ASCC3: variants seen among roughly 807,000 people sequenced by gnomAD.
ASCC3 encodes the protein ASC-1 complex subunit P200.
In ASCC3, 158 loss-of-function variants were observed where a neutral mutation model predicts 256.3. The ratio of observed to expected loss-of-function variants is 0.62; its 90% confidence interval spans 0.54 to 0.70. ASCC3 has a LOEUF of 0.70. Among genes scored for constraint, ASCC3 ranks in the 30% least tolerant of loss-of-function variants. ASCC3 has a pLI of 0.00. For missense variants in ASCC3, 2,259 were observed against 2,626.0 expected (o/e 0.86, Z 3.05); for synonymous variants, 948 against 883.4 (o/e 1.07, Z -1.30).
At chr6:100,565,808 C>T (rs2114713544) in intron 36 of ASCC3, among the ~76,000 whole-genome samples, 1 of 152,246 alleles carries the variant, frequency 6.6e-6, no homozygotes, top group South Asian at 2.1e-4. Flanking sequence ...CACTTTATAT[C>T]TCATAACATC....
intron 30 of ASCC3, among the ~76,000 whole-genome samples, chr6:100,614,782 T>C (rs1773579153): frequency 6.6e-6 from 1 of 152,206 alleles, no homozygotes; most frequent in Non-Finnish European, 1.5e-5. Flanking sequence ...TAATGAGTAA[T>C]GTATTTGAAA....
At chr6:100,866,161 G>C (rs753469332) in intron 2 of ASCC3, among the ~76,000 whole-genome samples, 3 of 151,946 alleles carry the variant, frequency 2.0e-5, no homozygotes, top group Non-Finnish European at 2.9e-5. Flanking sequence ...GTAGAGATGG[G>C]GTTTCACCAT....
intron 37 of ASCC3, among the ~76,000 whole-genome samples, chr6:100,519,667 T>C (rs1477912423): frequency 2.6e-5 from 4 of 152,144 alleles, no homozygotes; most frequent in Non-Finnish European, 5.9e-5. Context: ...GGAGTAACTA[T>C]GGCAATTTTA....
intron 24 of ASCC3, among the ~76,000 whole-genome samples, chr6:100,641,660 C>G (rs1775123785): frequency 6.6e-6 from 1 of 152,152 alleles, no homozygotes; most frequent in Non-Finnish European, 1.5e-5. Context: ...CATCCCATTA[C>G]TGGGTATATA....
intron 10 of ASCC3, among the ~76,000 whole-genome samples, chr6:100,729,744 T>C (rs1369511025): frequency 6.6e-6 from 1 of 152,162 alleles, no homozygotes; most frequent in African/African-American, 2.4e-5. Context: ...GATTTAAAGT[T>C]TTGAATCAAA....
At position 100,662,351 on chromosome 6, in the gene ASCC3, A is replaced by T. The variant is rs1405819667; in HGVS notation, c.2472T>A (p.Ile824=). 1.2e-6 allele frequency: 2 copies of T among 1,612,612 alleles called. No homozygotes were observed. Among genetic ancestry groups the T allele is most frequent in the African/African-American group, 2.7e-5 (2 of 74,860 alleles). ...AAGGAAGGTAAGCTCTTACCTTAATAATAACAGCATGGGCGGGAAGATTGA... is the reference window on the plus strand; with the variant it reads ...AAGGAAGGTAAGCTCTTACCTTAATTATAACAGCATGGGCGGGAAGATTGA... ...WGVNLPAHAV[I]IKGTQIYAAK... The change falls in exon 15 of 42, where the codon ATT becomes ATA. Residue 824 remains isoleucine, a synonymous_variant. Coordinates refer to ENST00000369162, the MANE Select transcript of ASCC3 (RefSeq NM_006828.4).
At chr6:100,561,861 C>T (rs1769969194) in intron 36 of ASCC3, among the ~76,000 whole-genome samples, 1 of 152,082 alleles carries the variant, frequency 6.6e-6, no homozygotes, top group Non-Finnish European at 1.5e-5. Flanking sequence ...AAAGTTGAAG[C>T]AAGTGTACAT....
chr6:100,864,666 G>A (rs896888316), intron 2 of ASCC3, among the ~76,000 whole-genome samples: 3 of 152,106 alleles, frequency 2.0e-5, no homozygotes, highest in Non-Finnish European at 2.9e-5. Flanking sequence ...TCCCATGACA[G>A]GTTCAAATAT....
chr6:100,767,314 C>G lies in ASCC3; in HGVS notation c.1427G>C (p.Arg476Thr), dbSNP rs777864646. 6.2e-7 allele frequency: 1 copy of G among 1,608,362 alleles called. No individual in the cohort carries two copies. The highest frequency in any genetic ancestry group is 1.7e-5 in the Admixed American group (1 of 59,054). The change falls in exon 9 of 42, where the codon AGA (arginine) becomes ACA (threonine). Residue 476 changes from arginine to threonine, a missense_variant. By Grantham distance (71) the Arg-to-Thr change is moderately conservative (BLOSUM62 -1). This residue lies in a region of ASCC3 where 1,839 missense variants were observed against 2,206.7 expected (regional missense o/e 0.83). Coordinates refer to ENST00000369162, the MANE Select transcript of ASCC3 (RefSeq NM_006828.4). ...IGQLAFKGMKRLNRIQSIVFE... is the reference protein window; with the variant it reads ...IGQLAFKGMKTLNRIQSIVFE... ...CACTATTGACTGGATTCTATTGAGT[C>G]TCTTCATTCCTTTAAAAGCCAGCTG... is the stretch of plus-strand genomic sequence containing the variant.
intron 36 of ASCC3, among the ~76,000 whole-genome samples, chr6:100,561,507 G>A (rs534348673): frequency 5.9e-5 from 9 of 151,726 alleles, no homozygotes; most frequent in Admixed American, 1.3e-4. Context: ...TATCACCCAC[G>A]TCACTTTGGT....
At chr6:100,609,220 TGTTATA>T (rs1253922623) in intron 30 of ASCC3, among the ~76,000 whole-genome samples, 15 of 152,088 alleles carry the variant, frequency 9.9e-5, no homozygotes, top group Admixed American at 2.6e-4. Flanking sequence ...CTTCAACTTC[TGTTATA>T]GTTTTATTTT....
intron 3 of ASCC3, among the ~76,000 whole-genome samples, chr6:100,851,115 T>C (rs1400622840): frequency 6.6e-6 from 1 of 152,106 alleles, no homozygotes; most frequent in Non-Finnish European, 1.5e-5. Context: ...AGATGTTAAA[T>C]GGAAACAGAA....
At chr6:100,689,508 T>C (rs1485233847) in intron 13 of ASCC3, among the ~76,000 whole-genome samples, 1 of 152,144 alleles carries the variant, frequency 6.6e-6, no homozygotes, top group Non-Finnish European at 1.5e-5. Context: ...AGAGCTTACA[T>C]TTTGCTAATT....
rs542047939 is a variant in ASCC3, at chr6:100,605,587, G to T, written c.5158C>A (p.Pro1720Thr). The change falls in exon 33 of 42, where the codon CCT becomes ACT. Residue 1720 changes from proline (P) to threonine (T), a missense_variant. This residue lies in a region of ASCC3 where 1,839 missense variants were observed against 2,206.7 expected (regional missense o/e 0.83). Coordinates refer to ENST00000369162, the MANE Select transcript of ASCC3 (RefSeq NM_006828.4). ...KDFYKKFLYEPFPVESSLLGV... is the reference protein window; with the variant it reads ...KDFYKKFLYETFPVESSLLGV... Reference sequence around the variant, plus strand: ...ATTTACCTTGATTCTACTGGGAAAGGTTCATAAAGAAATTTTTTATAAAAG... The same window carrying T: ...ATTTACCTTGATTCTACTGGGAAAGTTTCATAAAGAAATTTTTTATAAAAG... The T allele has an allele frequency of 6.5e-7, 1 of 1,527,402 alleles. No individual in the cohort carries two copies. Among genetic ancestry groups the T allele is most frequent in the Admixed American group, 1.7e-5 (1 of 59,760 alleles). The allele number at this position is 1,527,402 out of a possible 1,614,324, so 94.6% of individuals were successfully genotyped here.
rs1347913247 is a variant in ASCC3 at position 100,608,186 on chromosome 6, G to T, written c.4786-1098C>A. Among the ~76,000 whole-genome samples, 14 of 26,162 alleles carry T rather than the reference G, an allele frequency of 5.4e-4. 2 individuals are homozygous for T. Among genetic ancestry groups the T allele is most frequent in the African/African-American group, 1.1e-3 (10 of 8,950 alleles). 17.2% of individuals were successfully genotyped at this position (26,162 alleles called of 152,430 possible). ...TATATACATATTTATATATGTGTGT[G>T]TATATATATACTTTATATATATACT... On this transcript the variant is annotated intron_variant, in intron 30 of 41. Coordinates refer to ENST00000369162, the MANE Select transcript of ASCC3 (RefSeq NM_006828.4).
intron 16 of ASCC3, 150 bp from the exon 17 acceptor site, chr6:100,655,968 T>A: frequency 1.2e-6 from 1 of 809,052 alleles, no homozygotes. Context: ...CACAACACTT[T>A]GCCAATTAAT....
chr6:100,679,661 A>G lies in ASCC3; in HGVS notation c.2243T>C (p.Phe748Ser). The G allele has an allele frequency of 6.2e-7, 1 of 1,613,704 alleles. No homozygotes were observed. The highest frequency in any genetic ancestry group is 1.1e-5 in the South Asian group (1 of 91,072). The change falls in exon 14 of 42, where the codon TTT becomes TCT. Residue 748 changes from phenylalanine to serine, a missense_variant. Coordinates refer to ENST00000369162, the MANE Select transcript of ASCC3 (RefSeq NM_006828.4). ...RAKNCGHIPF[F>S]FPTQGHDYVL... ...ATAGTCATGTCCTTGGGTAGGAAAA[A>G]AGAAGGGAATATGGCCACAATTTTT...
chr6:100,725,521 T>C lies in ASCC3; in HGVS notation c.1902+18A>G, dbSNP rs773353215. ...TATTTATCCCTTCAAAATAAGCTTA[T>C]ACATAACTTCCTCTTACCTGCCGTA... On this transcript the variant is annotated intron_variant, in intron 11 of 41. Transcript: ENST00000369162. 3 of 1,610,792 alleles carry C rather than the reference T, an allele frequency of 1.9e-6. No homozygotes were observed. Among genetic ancestry groups the C allele is most frequent in the East Asian group, 4.5e-5 (2 of 44,778 alleles).
intron 16 of ASCC3, among the ~76,000 whole-genome samples, chr6:100,658,449 G>A (rs954300774): frequency 2.0e-5 from 3 of 151,348 alleles, no homozygotes; most frequent in Non-Finnish European, 3.0e-5. Flanking sequence ...ATGCATGCGT[G>A]TGTATATATG....
Sources: gnomAD v4.1 joint callset for allele counts (sites outside exome capture counted in the v4.1 genomes callset) on GRCh38, gnomAD v4.1.1 for gene constraint, gnomAD v4.1.1 regional missense constraint, MANE v1.5 for transcripts, NCBI Gene and HGNC (gene_info 2026-07-23, HGNC 2026-07-21) for gene names.